Variants in KLHL3 observed in about 807,000 individuals in gnomAD.
KLHL3 encodes kelch like family member 3.
In KLHL3, 19 loss-of-function variants were observed where a neutral mutation model predicts 70.5. The ratio of observed to expected loss-of-function variants is 0.27; its 90% confidence interval spans 0.19 to 0.40. The LOEUF is 0.40. KLHL3 is among the 10% of genes least tolerant of loss of function. The probability of loss-of-function intolerance (pLI) is 1.00; values close to 1 mark genes in which losing one functional copy is unlikely to be tolerated. For synonymous variants in KLHL3, 258 were observed against 290.3 expected, an observed-to-expected ratio of 0.89 and a Z score of 1.13; for missense variants, 512 against 771.1, an observed-to-expected ratio of 0.66 and a Z score of 3.98.
chr5:137,716,897 G>T (rs1202917795), intron 2 of KLHL3, among the ~76,000 whole-genome samples: 2 of 152,076 alleles, frequency 1.3e-5, no homozygotes, highest in African/African-American at 4.8e-5. Context: ...CAAGAGAGGG[G>T]GTCTAACCAA....
intron 2 of KLHL3, among the ~76,000 whole-genome samples, chr5:137,714,206 T>A (rs565830371): frequency 1.3e-5 from 2 of 152,176 alleles, no homozygotes; most frequent in Admixed American, 1.3e-4. Flanking sequence ...TTAGAGAAGA[T>A]GTGGAGAAAG....
intron 4 of KLHL3, among the ~76,000 whole-genome samples, chr5:137,697,469 C>T (rs966390012): frequency 1.3e-5 from 2 of 152,108 alleles, no homozygotes; most frequent in African/African-American, 2.4e-5. Context: ...CAGCCCCTTG[C>T]CAATCTTTCT....
chr5:137,705,899 T>G, intron 3 of KLHL3: 1 of 511,062 alleles, frequency 2.0e-6, no homozygotes, highest in Non-Finnish European at 2.5e-6. Context: ...CATTTCATCT[T>G]TATAGGAAAA....
At chr5:137,657,733 A>T (rs1017188998) in intron 8 of KLHL3, among the ~76,000 whole-genome samples, 2 of 152,200 alleles carry the variant, frequency 1.3e-5, no homozygotes, top group African/African-American at 4.8e-5. Flanking sequence ...AAAGAAACAG[A>T]CTAGGACTAT....
intron 8 of KLHL3, chr5:137,647,725 T>C (rs1751090708): frequency 7.4e-6 from 3 of 402,964 alleles, no homozygotes; most frequent in Non-Finnish European, 1.6e-5. Flanking sequence ...GAGCAACAGT[T>C]GCTCTAGGCA....
intron 6 of KLHL3, among the ~76,000 whole-genome samples, chr5:137,664,711 G>T (rs1052545908): frequency 2.6e-5 from 4 of 151,930 alleles, no homozygotes; most frequent in Non-Finnish European, 5.9e-5. Context: ...CCAGCTGCTT[G>T]AGAGGCTGAG....
intron 8 of KLHL3, among the ~76,000 whole-genome samples, chr5:137,642,793 C>T (rs950049824): frequency 6.6e-6 from 1 of 152,026 alleles, no homozygotes; most frequent in Non-Finnish European, 1.5e-5. Context: ...GAGAGCTTTT[C>T]CCATCTTTTG....
intron 8 of KLHL3, among the ~76,000 whole-genome samples, chr5:137,657,572 C>T (rs1482895944): frequency 6.6e-6 from 1 of 152,148 alleles, no homozygotes; most frequent in Non-Finnish European, 1.5e-5. Context: ...CTTTCCCTGG[C>T]TGCTCCCTCA....
chr5:137,633,278 C>CAAAAA (rs56084512), intron 12 of KLHL3, among the ~76,000 whole-genome samples: 5 of 72,002 alleles, frequency 6.9e-5, no homozygotes, highest in African/African-American at 2.4e-4. Flanking sequence ...GACTTCATCT[C>CAAAAA]AAAAAAAAAA....
intron 6 of KLHL3, 65 bp from the exon 7 acceptor site, chr5:137,662,096 CTG>C: frequency 4.4e-6 from 2 of 457,994 alleles, no homozygotes; most frequent in Non-Finnish European, 7.0e-6. Context: ...AACCCTCAAT[CTG>C]TAAAAAAAAA....
chr5:137,733,290 T>A (rs1753209010), intron 1 of KLHL3, among the ~76,000 whole-genome samples: 1 of 152,216 alleles, frequency 6.6e-6, no homozygotes, highest in South Asian at 2.1e-4. Context: ...ATAATAAGGC[T>A]GATATCCAAA....
At chr5:137,723,966 T>C (rs1262846790) in intron 1 of KLHL3, among the ~76,000 whole-genome samples, 1 of 152,228 alleles carries the variant, frequency 6.6e-6, no homozygotes, top group Non-Finnish European at 1.5e-5. Context: ...TCTAATGAGA[T>C]GTTCATATGG....
At chr5:137,718,508 TAAAC>T (rs966227459) in intron 2 of KLHL3, among the ~76,000 whole-genome samples, 7 of 152,062 alleles carry the variant, frequency 4.6e-5, no homozygotes, top group Admixed American at 6.6e-5. Flanking sequence ...TTTAAAAAAA[TAAAC>T]AAACAAAGAA....
At chr5:137,651,623 T>C (rs536625533) in intron 8 of KLHL3, among the ~76,000 whole-genome samples, 1 of 152,280 alleles carries the variant, frequency 6.6e-6, no homozygotes, top group African/African-American at 2.4e-5. Context: ...TTTAATATTA[T>C]TAAGATGGCA....
intron 2 of KLHL3, 104 bp downstream of exon 2, chr5:137,720,361 T>G (rs1195160130): frequency 3.0e-5 from 40 of 1,332,024 alleles, no homozygotes; most frequent in East Asian, 9.8e-5. Flanking sequence ...ATGGAAAGAG[T>G]CAGAATTCCC....
At chr5:137,722,157 G>C (rs1408961122) in intron 1 of KLHL3, among the ~76,000 whole-genome samples, 2 of 152,212 alleles carry the variant, frequency 1.3e-5, no homozygotes, top group Admixed American at 6.5e-5. Context: ...AAACTGGCTA[G>C]AGAAAGAGGC....
intron 1 of KLHL3, among the ~76,000 whole-genome samples, chr5:137,735,393 C>T (rs1753245184): frequency 6.6e-6 from 1 of 152,230 alleles, no homozygotes; most frequent in African/African-American, 2.4e-5. Flanking sequence ...CAGGGTGCTC[C>T]GCTGCCTAGC....
chr5:137,733,380 A>G (rs1484329746), intron 1 of KLHL3, among the ~76,000 whole-genome samples: 2 of 152,208 alleles, frequency 1.3e-5, no homozygotes, highest in African/African-American at 4.8e-5. Context: ...CACAAAAGTT[A>G]TTAGCTAATC....
At chr5:137,692,759 A>G (rs1307438258) in intron 4 of KLHL3, 4 of 298,762 alleles carry the variant, frequency 1.3e-5, no homozygotes, top group African/African-American at 2.1e-5. Flanking sequence ...ATTTCTAATA[A>G]GAACTCAAGT....
Sources: gnomAD v4.1 joint callset for allele counts (sites outside exome capture counted in the v4.1 genomes callset) on GRCh38, gnomAD v4.1.1 for gene constraint, MANE v1.5 for transcripts, NCBI Gene and HGNC (gene_info 2026-07-23, HGNC 2026-07-21) for gene names.